Variants in PCDHGA6 observed in about 807,000 individuals in gnomAD.
The protein encoded by PCDHGA6 is protocadherin gamma-A6.
A neutral mutation model predicts 60.6 loss-of-function variants in PCDHGA6; 41 were observed. The ratio of observed to expected loss-of-function variants is 0.68; its 90% CI spans 0.53 to 0.88. The LOEUF (loss-of-function observed/expected upper bound fraction) is 0.88, where lower values mean the gene tolerates loss of function less well. Among genes scored for constraint, PCDHGA6 ranks in the 40% least tolerant of loss-of-function variants. PCDHGA6 has a pLI of 0.00. For missense variants in PCDHGA6, 1,312 were observed against 1,203.0 expected, an observed-to-expected ratio of 1.09 and a Z score of -1.34; for synonymous variants, 594 against 524.4, an observed-to-expected ratio of 1.13 and a Z score of -1.81.
At chr5:141,443,604 G>A (rs1561911807) in intron 1 of PCDHGA6, among the ~76,000 whole-genome samples, 1 of 152,194 alleles carries the variant, frequency 6.6e-6, no homozygotes, top group Non-Finnish European at 1.5e-5. Context: ...TATATGAAAT[G>A]TTCTTATAAT....
chr5:141,486,456 C>G lies in PCDHGA6; in HGVS notation c.2425-8351C>G. ...AGCTATGACATCATGGTCACTGCTT[C>G]TGATGCTGGGAACCCTCCTCTCAGT... is the stretch of plus-strand genomic sequence containing the variant. On this transcript the variant is annotated intron_variant, in intron 1 of 3. Transcript: ENST00000517434. The surrounding 1 kb of genome is among the most constrained non-coding windows in gnomAD (Gnocchi z 5.0). The G allele has an allele frequency of 1.9e-6, 3 of 1,614,052 alleles. No homozygotes were observed. In the South Asian group the frequency reaches 3.3e-5, roughly 18 times the overall value.
At chr5:141,446,860 G>A (rs969206755) in intron 1 of PCDHGA6, among the ~76,000 whole-genome samples, 17 of 152,162 alleles carry the variant, frequency 1.1e-4, no homozygotes, top group African/African-American at 3.9e-4. Flanking sequence ...CTTCCTGATA[G>A]CTCTACACTG....
At chr5:141,376,756 G>A (rs1049941497) in intron 1 of PCDHGA6, 9 of 448,098 alleles carry the variant, frequency 2.0e-5, no homozygotes, top group African/African-American at 1.7e-4. Context: ...GCGCAATCTC[G>A]GCTCACTGCA....
At position 141,432,032 on chromosome 5, in the gene PCDHGA6, A is replaced by G; in HGVS notation, c.2424+55525A>G. On this transcript the variant is annotated intron_variant, in intron 1 of 3. Coordinates refer to ENST00000517434, the MANE Select transcript of PCDHGA6 (RefSeq NM_018919.3). The surrounding 1 kb of genome is among the most constrained non-coding windows in gnomAD (Gnocchi z 6.0). ...TAGCTACAACATCACAGTGACCGCC[A>G]CTGACCGGGGAACCCCGCCCCTATC... 2 of 1,614,242 alleles carry G rather than the reference A, an allele frequency of 1.2e-6. No homozygotes were observed. Among genetic ancestry groups the G allele is most frequent in the South Asian group, 1.1e-5 (1 of 91,086 alleles).
chr5:141,438,319 T>C (rs934592523), intron 1 of PCDHGA6, among the ~76,000 whole-genome samples: 1 of 151,982 alleles, frequency 6.6e-6, no homozygotes, highest in African/African-American at 2.4e-5. Flanking sequence ...CACCATAATT[T>C]TTCTTATACA....
At chr5:141,484,404 G>C (rs1333849091) in intron 1 of PCDHGA6, among the ~76,000 whole-genome samples, 3 of 152,174 alleles carry the variant, frequency 2.0e-5, no homozygotes, top group Non-Finnish European at 4.4e-5. Flanking sequence ...GGTTTCCGCT[G>C]TGTCTCCTGT....
At chr5:141,397,706 T>G (rs2093559040) in intron 1 of PCDHGA6, among the ~76,000 whole-genome samples, 1 of 152,246 alleles carries the variant, frequency 6.6e-6, no homozygotes, top group African/African-American at 2.4e-5. Flanking sequence ...CAACGTGATA[T>G]TTCTAACAAT....
At chr5:141,500,840 C>T (rs1394248251) in intron 2 of PCDHGA6, among the ~76,000 whole-genome samples, 1 of 151,966 alleles carries the variant, frequency 6.6e-6, no homozygotes, top group Non-Finnish European at 1.5e-5. Flanking sequence ...TGCTAATGGG[C>T]TTTTGCTACA....
intron 1 of PCDHGA6, among the ~76,000 whole-genome samples, chr5:141,469,162 G>A (rs2099192596): frequency 6.6e-6 from 1 of 152,062 alleles, no homozygotes; most frequent in Admixed American, 6.6e-5. Flanking sequence ...TGTAGTCCCA[G>A]CTACTTGGGA....
chr5:141,373,925 G>A lies in PCDHGA6; in HGVS notation c.-159G>A. The A allele has an allele frequency of 1.5e-6, 1 of 660,678 alleles. No homozygotes were observed. Among genetic ancestry groups the A allele is most frequent in the Non-Finnish European group, 2.3e-6 (1 of 426,078 alleles). 40.9% of individuals were successfully genotyped at this position (660,678 alleles called of 1,614,324 possible). A position where few individuals can be genotyped will look rare whatever the true frequency, so the allele number is the denominator to read the frequency against. On this transcript the variant is annotated 5_prime_UTR_variant, in exon 1 of 4. Transcript: ENST00000517434. ...CCTCCAACAACAAAGCAAATTAGAC[G>A]GGAAAGCAGGAAAGCTGTGCAGAAA...
At chr5:141,385,961 C>T (rs1446108095) in intron 1 of PCDHGA6, 2 of 152,166 alleles carry the variant, frequency 1.3e-5, no homozygotes, top group African/African-American at 2.4e-5. Context: ...CACTAAAGGC[C>T]ATCGGACAAA....
At chr5:141,480,649 C>A (rs2099522804) in intron 1 of PCDHGA6, among the ~76,000 whole-genome samples, 1 of 152,184 alleles carries the variant, frequency 6.6e-6, no homozygotes, top group Non-Finnish European at 1.5e-5. Flanking sequence ...AACTTGGTTG[C>A]ACATTAAAAT....
rs376984494 is a variant in PCDHGA6 at position 141,374,154 on chromosome 5, G to C, written c.71G>C (p.Trp24Ser). Residue 24 changes from tryptophan (W) to serine (S), a missense_variant, in exon 1 of 4, where the codon TGG (tryptophan) becomes TCG (serine). Transcript: ENST00000517434. Reference protein sequence around the residue: ...VLLLTLLGTLWGAAAAQIRYS... With the variant: ...VLLLTLLGTLSGAAAAQIRYS... ...CTCCTCACGCTCCTGGGGACGCTGT[G>C]GGGGGCCGCGGCAGCGCAGATCCGC... is the stretch of plus-strand genomic sequence containing the variant. The C allele has an allele frequency of 2.4e-5, 38 of 1,611,790 alleles. No homozygotes were observed. The highest frequency in any genetic ancestry group is 8.4e-5 in the Admixed American group (5 of 59,848).
chr5:141,418,018 T>C, intron 1 of PCDHGA6: 1 of 1,613,868 alleles, frequency 6.2e-7, no homozygotes, highest in Non-Finnish European at 8.5e-7. Flanking sequence ...TCGCTAAGGA[T>C]CTAGGGCTTA....
rs1562059777 is a variant in PCDHGA6, at chr5:141,477,098, G to C, written c.2425-17709G>C. 6.2e-7 allele frequency: 1 copy of C among 1,614,242 alleles called. No individual in the cohort carries two copies. Among genetic ancestry groups the C allele is most frequent in the Non-Finnish European group, 8.5e-7 (1 of 1,180,046 alleles). ...GATTTACATCCAGGCCAAAGACAAG[G>C]GCGCCAATCCCGAAGGAGCACATTG... On this transcript the variant is annotated intron_variant, in intron 1 of 3. Transcript: ENST00000517434. This position sits in a 1 kb window ranked among gnomAD's most constrained non-coding sequence, Gnocchi z 4.9.
In PCDHGA6 at chr5:141,489,406, A is replaced by T; in HGVS notation, c.2425-5401A>T. 6.2e-7 allele frequency: 1 copy of T among 1,614,166 alleles called. No individual in the cohort carries two copies. Among genetic ancestry groups the T allele is most frequent in the Non-Finnish European group, 8.5e-7 (1 of 1,180,028 alleles). Reference sequence around the variant, plus strand: ...TGTTGCTCAGGATCTGGGCTTAAAGATGACAGATCTGTTGAGCCGGCGGCT... The same window carrying T: ...TGTTGCTCAGGATCTGGGCTTAAAGTTGACAGATCTGTTGAGCCGGCGGCT... On this transcript the variant is annotated intron_variant, in intron 1 of 3. Coordinates refer to ENST00000517434, the MANE Select transcript of PCDHGA6 (RefSeq NM_018919.3). This position sits in a 1 kb window ranked among gnomAD's most constrained non-coding sequence, Gnocchi z 4.5.
Position 141,405,415 on chromosome 5 carries a change from GT to G in PCDHGA6, c.2424+28914del, listed in dbSNP as rs757320616. The G allele has an allele frequency of 3.1e-4, 488 of 1,559,566 alleles. 1 individual carries two copies. Among genetic ancestry groups the G allele is most frequent in the Admixed American group, 8.4e-4 (46 of 54,770 alleles). On this transcript the variant is annotated intron_variant, in intron 1 of 3. Transcript: ENST00000517434. Reference sequence around the variant, plus strand: ...TTTTCTTTCTTTCTTTTCTTTTTTTGTTTTTTGTTTTGTTTTGTTTTTGAGA... The same window carrying G: ...TTTTCTTTCTTTCTTTTCTTTTTTTGTTTTTGTTTTGTTTTGTTTTTGAGA...
Position 141,476,369 on chromosome 5 carries a change from G to A in PCDHGA6, c.2425-18438G>A, listed in dbSNP as rs1178923246. 1.9e-6 allele frequency: 3 copies of A among 1,614,098 alleles called. No homozygotes were observed. The African/African-American group carries it at 4.0e-5, about 22-fold the overall frequency. ...CTTTGAGGTGAACCGGGAGACCGGA[G>A]AGATGTTTGTGAACGACCGTCTGGA... On this transcript the variant is annotated intron_variant, in intron 1 of 3. Transcript: ENST00000517434. This position sits in a 1 kb window ranked among gnomAD's most constrained non-coding sequence, Gnocchi z 7.6.
intron 1 of PCDHGA6, among the ~76,000 whole-genome samples, chr5:141,439,259 G>A (rs1172204848): frequency 6.6e-6 from 1 of 151,900 alleles, no homozygotes; most frequent in African/African-American, 2.4e-5. Context: ...TGAAGATTCA[G>A]CCAACAGTTC....
Sources: gnomAD v4.1 joint callset for allele counts (sites outside exome capture counted in the v4.1 genomes callset) on GRCh38, gnomAD v4.1.1 for gene constraint, Gnocchi (gnomAD v3.1) non-coding constraint, MANE v1.5 for transcripts, NCBI Gene and HGNC (gene_info 2026-07-23, HGNC 2026-07-21) for gene names.